HKDC1: variants seen among roughly 807,000 people sequenced by gnomAD.
HKDC1 encodes the protein hexokinase domain containing 1, also known as hexokinase HKDC1.
Under a neutral mutation model 96.6 loss-of-function variants are expected in HKDC1, and 66 were observed. That is an observed-to-expected ratio of 0.68 (90% CI 0.56 to 0.84). The LOEUF is 0.84. Ranked by LOEUF, HKDC1 falls within the 40% of genes least tolerant of loss-of-function variation. HKDC1 has a pLI of 0.00. For synonymous variants in HKDC1, 466 were observed against 473.1 expected (o/e 0.98, Z 0.20); for missense variants, 1,211 against 1,208.1 (o/e 1.00, Z -0.04).
At chr10:69,226,924 C>T (rs1843167052) in intron 1 of HKDC1, among the ~76,000 whole-genome samples, 1 of 152,190 alleles carries the variant, frequency 6.6e-6, no homozygotes, top group Non-Finnish European at 1.5e-5. Flanking sequence ...TCTGCCTCTC[C>T]CTTGTCTCAT....
intron 4 of HKDC1, among the ~76,000 whole-genome samples, chr10:69,234,107 G>C (rs1328736696): frequency 6.6e-6 from 1 of 152,024 alleles, no homozygotes; most frequent in African/African-American, 2.4e-5. Context: ...ACGTTCTGGG[G>C]CCAGGTTGGG....
intron 2 of HKDC1, among the ~76,000 whole-genome samples, chr10:69,229,645 C>A (rs987284284): frequency 6.6e-6 from 1 of 152,096 alleles, no homozygotes; most frequent in Non-Finnish European, 1.5e-5. Flanking sequence ...CTGGGACAGG[C>A]GGTGTCCTCC....
At position 69,267,489 on chromosome 10, in the gene HKDC1, T is replaced by G; in HGVS notation, c.*732T>G. ...TTGTGTTGCAGGTGTTGATAGTTGT[T>G]TTAAGGATTGTTAGGTATAGGAAAT... On this transcript the variant is annotated 3_prime_UTR_variant, in exon 18 of 18. Transcript: ENST00000354624. 2.2e-6 allele frequency: 1 copy of G among 456,008 alleles called. No homozygotes were observed. Among genetic ancestry groups the G allele is most frequent in the South Asian group, 1.6e-5 (1 of 64,428 alleles). 28.2% of individuals were successfully genotyped at this position (456,008 alleles called of 1,614,324 possible).
chr10:69,230,586 C>A (rs1055677023), intron 2 of HKDC1, among the ~76,000 whole-genome samples: 2 of 152,190 alleles, frequency 1.3e-5, no homozygotes, highest in Non-Finnish European at 2.9e-5. Context: ...TTGGCCAAAG[C>A]AATTTACCCC....
At chr10:69,241,784 C>T (rs1311183348) in intron 6 of HKDC1, among the ~76,000 whole-genome samples, 3 of 152,138 alleles carry the variant, frequency 2.0e-5, no homozygotes, top group Non-Finnish European at 4.4e-5. Context: ...CACGCCCGGC[C>T]GGATGTGCAT....
chr10:69,241,392 C>T (rs1843455206), intron 6 of HKDC1, among the ~76,000 whole-genome samples: 1 of 152,148 alleles, frequency 6.6e-6, no homozygotes. Context: ...GATGTGCACA[C>T]AGTCACTGTA....
intron 7 of HKDC1, among the ~76,000 whole-genome samples, chr10:69,245,336 G>T (rs1293202207): frequency 6.6e-6 from 1 of 152,084 alleles, no homozygotes; most frequent in African/African-American, 2.4e-5. Flanking sequence ...TGTAATTCCA[G>T]TGCTTCGGGA....
At chr10:69,234,560 T>G (rs1843333121) in intron 4 of HKDC1, among the ~76,000 whole-genome samples, 1 of 152,254 alleles carries the variant, frequency 6.6e-6, no homozygotes, top group South Asian at 2.1e-4. Flanking sequence ...CCACCTTGTT[T>G]TCTCATTTGT....
rs145373338 is a variant in HKDC1 at position 69,232,815 on chromosome 10, T to G, written c.278T>G (p.Leu93Arg). The part of the protein sequence containing the change: ...LDLGGSKFRV[L>R]KVQVAEEGKR... ...CTCGGAGGGTCCAAGTTCCGAGTGCTGAAGGTGCAAGTCGCTGAAGAGGGG... is the reference window on the plus strand; with the variant it reads ...CTCGGAGGGTCCAAGTTCCGAGTGCGGAAGGTGCAAGTCGCTGAAGAGGGG... Residue 93 changes from leucine (L) to arginine (R), a missense_variant, in exon 3 of 18, where the codon CTG (leucine) becomes CGG (arginine). By Grantham distance (102) the Leu-to-Arg change is moderately radical. Coordinates refer to ENST00000354624, the MANE Select transcript of HKDC1 (RefSeq NM_025130.4). 1 of 1,614,090 alleles carries G rather than the reference T, an allele frequency of 6.2e-7. No individual in the cohort carries two copies. Among genetic ancestry groups the G allele is most frequent in the African/African-American group, 1.3e-5 (1 of 75,002 alleles).
chr10:69,242,166 G>A (rs1257350318), intron 6 of HKDC1, among the ~76,000 whole-genome samples: 4 of 152,146 alleles, frequency 2.6e-5, no homozygotes, highest in Admixed American at 2.6e-4. Flanking sequence ...CAAAGGGCAG[G>A]TTTTTAAACC....
intron 5 of HKDC1, among the ~76,000 whole-genome samples, chr10:69,239,410 G>A (rs528032712): frequency 6.0e-4 from 91 of 152,302 alleles, no homozygotes; most frequent in Non-Finnish European, 1.0e-3. Context: ...AGCCCTCTCC[G>A]GAGGTCTTGG....
intron 13 of HKDC1, 40 bp downstream of exon 13, chr10:69,257,171 C>T (rs748289739): frequency 6.4e-7 from 1 of 1,564,616 alleles, no homozygotes; most frequent in Non-Finnish European, 8.8e-7. Flanking sequence ...CTCTTGCTGC[C>T]TTCCCCAGGC....
At chr10:69,226,669 G>T (rs550350133) in intron 1 of HKDC1, among the ~76,000 whole-genome samples, 1 of 151,440 alleles carries the variant, frequency 6.6e-6, no homozygotes, top group African/African-American at 2.4e-5. Context: ...AAAAAAAGGA[G>T]GGAAATTTAA....
At chr10:69,231,496 G>T (rs1207338533) in intron 2 of HKDC1, among the ~76,000 whole-genome samples, 1 of 151,960 alleles carries the variant, frequency 6.6e-6, no homozygotes, top group Non-Finnish European at 1.5e-5. Flanking sequence ...CCCCGCTCCC[G>T]GCAGCCTGGC....
intron 12 of HKDC1, among the ~76,000 whole-genome samples, chr10:69,254,183 C>A (rs1237845973): frequency 1.3e-5 from 2 of 151,988 alleles, no homozygotes; most frequent in Admixed American, 1.3e-4. Context: ...CGGGTGCCTG[C>A]AATCTCAGCT....
chr10:69,243,310 C>G lies in HKDC1; in HGVS notation c.820C>G (p.Arg274Gly). The G allele has an allele frequency of 1.2e-6, 2 of 1,612,832 alleles. No individual in the cohort carries two copies. The highest frequency in any genetic ancestry group is 1.7e-6 in the Non-Finnish European group (2 of 1,179,364). Residue 274 changes from arginine to glycine, a missense_variant, in exon 7 of 18, where the codon CGC (arginine) becomes GGC (glycine). Physicochemically the swap from Arg to Gly is moderately radical, Grantham distance 125. Transcript: ENST00000354624. ...FGDDGALEDI[R>G]TEFDRELDLG... Reference sequence around the variant, plus strand: ...GGACGACGGGGCCCTGGAGGACATTCGCACTGAGTTCGACAGGGAGCTGGA... The same window carrying G: ...GGACGACGGGGCCCTGGAGGACATTGGCACTGAGTTCGACAGGGAGCTGGA...
At chr10:69,238,368 CTTTTTTT>C (rs55819248) in intron 4 of HKDC1, among the ~76,000 whole-genome samples, 60,427 of 68,702 alleles carry the variant, frequency 0.88, 28,720 homozygotes, top group Non-Finnish European at 0.96. Flanking sequence ...CAGGTATTTT[CTTTTTTT>C]TTTTTTTTTT....
At chr10:69,235,219 C>T (rs1299144036) in intron 4 of HKDC1, among the ~76,000 whole-genome samples, 1 of 152,100 alleles carries the variant, frequency 6.6e-6, no homozygotes, top group Non-Finnish European at 1.5e-5. Context: ...ATCAGGAGTT[C>T]AAGACCAGCC....
At chr10:69,266,561 T>A in intron 17 of HKDC1, 49 bp from the exon 18 acceptor site, 1 of 1,587,712 alleles carries the variant, frequency 6.3e-7, no homozygotes, top group Non-Finnish European at 8.6e-7. Context: ...TTATAAATGT[T>A]CTGATTCTAC....
Sources: allele counts gnomAD v4.1 joint callset (sites outside exome capture counted in the v4.1 genomes callset), GRCh38; gene constraint gnomAD v4.1.1; transcripts MANE v1.5; gene names NCBI Gene and HGNC (gene_info 2026-07-23, HGNC 2026-07-21).